The following FBXL7 variants were observed in gnomAD, a reference collection of about 807,000 sequenced individuals.
FBXL7 encodes the protein F-box/LRR-repeat protein 7.
FBXL7 carries 12 observed loss-of-function variants against 38.3 expected under a neutral mutation model. The ratio of observed to expected loss-of-function variants is 0.31; its 90% confidence interval spans 0.20 to 0.51. The LOEUF is 0.51. FBXL7 is among the 20% of genes least tolerant of loss of function. The probability of loss-of-function intolerance (pLI) is 0.98; values close to 1 mark genes in which losing one functional copy is unlikely to be tolerated. For missense variants in FBXL7, 567 were observed against 676.4 expected (o/e 0.84, Z 1.79); for synonymous variants, 297 against 300.9 (o/e 0.99, Z 0.13).
At chr5:15,637,193 C>CTA (rs1741215653) in intron 2 of FBXL7, among the ~76,000 whole-genome samples, 1 of 152,096 alleles carries the variant, frequency 6.6e-6, no homozygotes. Flanking sequence ...AAATGAAATT[C>CTA]TAGTCATATA....
chr5:15,597,557 G>A (rs1315437498), intron 1 of FBXL7, among the ~76,000 whole-genome samples: 2 of 147,246 alleles, frequency 1.4e-5, no homozygotes, highest in African/African-American at 5.0e-5. Context: ...TCAACGAGTT[G>A]AAGGCCTACA....
chr5:15,542,459 G>A (rs1428746664), intron 1 of FBXL7, among the ~76,000 whole-genome samples: 1 of 152,082 alleles, frequency 6.6e-6, no homozygotes. Context: ...CTATAAGCCT[G>A]CAATAACAAA....
At chr5:15,667,403 T>A (rs1266194381) in intron 2 of FBXL7, among the ~76,000 whole-genome samples, 1 of 152,194 alleles carries the variant, frequency 6.6e-6, no homozygotes, top group Admixed American at 6.5e-5. Flanking sequence ...TCTAAAACTT[T>A]AACTTCTTAC....
intron 2 of FBXL7, among the ~76,000 whole-genome samples, chr5:15,731,695 T>C (rs938056666): frequency 2.6e-5 from 4 of 152,238 alleles, no homozygotes; most frequent in African/African-American, 9.6e-5. Flanking sequence ...CTCTGTGATG[T>C]GTGATGTGTC....
At chr5:15,575,000 A>G (rs1320029003) in intron 1 of FBXL7, among the ~76,000 whole-genome samples, 1 of 152,032 alleles carries the variant, frequency 6.6e-6, no homozygotes, top group Non-Finnish European at 1.5e-5. Context: ...ACATCTGGTT[A>G]TCCGGAGACA....
intron 2 of FBXL7, among the ~76,000 whole-genome samples, chr5:15,881,100 T>C (rs943985723): frequency 3.3e-5 from 5 of 152,184 alleles, no homozygotes; most frequent in African/African-American, 7.2e-5. Context: ...GAATAAGTTC[T>C]TTAGTGGTGA....
intron 1 of FBXL7, among the ~76,000 whole-genome samples, chr5:15,501,260 C>T (rs1271923056): frequency 6.6e-6 from 1 of 152,060 alleles, no homozygotes; most frequent in African/African-American, 2.4e-5. Flanking sequence ...TGGTCTCTCT[C>T]GGGGCTGGAG....
chr5:15,681,210 A>G (rs1447211986), intron 2 of FBXL7, among the ~76,000 whole-genome samples: 1 of 152,206 alleles, frequency 6.6e-6, no homozygotes, highest in Non-Finnish European at 1.5e-5. Flanking sequence ...TTCAACCTCA[A>G]TGTGAGGAAT....
intron 2 of FBXL7, among the ~76,000 whole-genome samples, chr5:15,740,811 A>G (rs1020810176): frequency 6.6e-6 from 1 of 152,230 alleles, no homozygotes; most frequent in Admixed American, 6.5e-5. Flanking sequence ...ACTAAGGAAT[A>G]AGTAACATTT....
At chr5:15,643,351 C>A (rs775955261) in intron 2 of FBXL7, among the ~76,000 whole-genome samples, 1 of 152,186 alleles carries the variant, frequency 6.6e-6, no homozygotes, top group Non-Finnish European at 1.5e-5. Context: ...AGCCAGGAAT[C>A]ACCTTGTCTC....
At chr5:15,844,012 T>C (rs2126786290) in intron 2 of FBXL7, among the ~76,000 whole-genome samples, 1 of 152,180 alleles carries the variant, frequency 6.6e-6, no homozygotes, top group Admixed American at 6.5e-5. Flanking sequence ...TTTTTTAAGT[T>C]AAAAGCAAAA....
chr5:15,858,411 T>C (rs1453620304), intron 2 of FBXL7, among the ~76,000 whole-genome samples: 1 of 152,076 alleles, frequency 6.6e-6, no homozygotes, highest in East Asian at 1.9e-4. Context: ...TTGGTATTCA[T>C]TGGATGAAAA....
intron 2 of FBXL7, among the ~76,000 whole-genome samples, chr5:15,825,381 G>GA (rs950014811): frequency 3.1e-4 from 45 of 146,912 alleles, no homozygotes; most frequent in African/African-American, 7.0e-4. Context: ...TTATTTGGAA[G>GA]AAAAAAAAAA....
At chr5:15,690,292 A>G (rs1331499599) in intron 2 of FBXL7, among the ~76,000 whole-genome samples, 1 of 152,242 alleles carries the variant, frequency 6.6e-6, no homozygotes, top group African/African-American at 2.4e-5. Flanking sequence ...CCAGCTAGGA[A>G]ACTGTCCCTT....
At chr5:15,601,222 T>C (rs1020662004) in intron 1 of FBXL7, among the ~76,000 whole-genome samples, 1 of 152,188 alleles carries the variant, frequency 6.6e-6, no homozygotes, top group Non-Finnish European at 1.5e-5. Flanking sequence ...AGAACACTGG[T>C]CTTTTATTAT....
At chr5:15,711,220 T>C (rs912993403) in intron 2 of FBXL7, among the ~76,000 whole-genome samples, 3 of 152,204 alleles carry the variant, frequency 2.0e-5, no homozygotes, top group Non-Finnish European at 2.9e-5. Context: ...AATGGACTTA[T>C]AACACAGGGA....
At chr5:15,534,185 C>T (rs1041037176) in intron 1 of FBXL7, among the ~76,000 whole-genome samples, 1 of 152,058 alleles carries the variant, frequency 6.6e-6, no homozygotes, top group African/African-American at 2.4e-5. Context: ...TCATTATCAC[C>T]CAAAATCCAT....
At chr5:15,916,468 G>A (rs13154254) in intron 2 of FBXL7, among the ~76,000 whole-genome samples, 8 of 151,882 alleles carry the variant, frequency 5.3e-5, no homozygotes, top group African/African-American at 1.7e-4. Flanking sequence ...CGAGCAGGGA[G>A]CCAGATACAG....
At chr5:15,690,891 A>T (rs758043410) in intron 2 of FBXL7, among the ~76,000 whole-genome samples, 9 of 152,132 alleles carry the variant, frequency 5.9e-5, no homozygotes, top group South Asian at 2.1e-4. Context: ...AATTGTAGGA[A>T]TGGATTTAGA....
Sources: allele counts gnomAD v4.1 joint callset (sites outside exome capture counted in the v4.1 genomes callset), GRCh38; gene constraint gnomAD v4.1.1; transcripts MANE v1.5; gene names NCBI Gene and HGNC (gene_info 2026-07-23, HGNC 2026-07-21).